The following ERG variants were observed in gnomAD, a reference collection of about 807,000 sequenced individuals.
ERG encodes the protein transcriptional regulator ERG.
In ERG, 9 loss-of-function variants were observed where a neutral mutation model predicts 55.3. The observed-to-expected ratio is 0.16, with a 90% CI of 0.10 to 0.28. The LOEUF is 0.28. Among genes scored for constraint, ERG ranks in the 10% least tolerant of loss-of-function variants. ERG has a pLI of 1.00. For synonymous variants in ERG, 223 were observed against 237.3 expected (o/e 0.94, Z 0.55); for missense variants, 434 against 631.6 (o/e 0.69, Z 3.35).
chr21:38,543,791 C>T (rs1364728234), intron 2 of ERG, among the ~76,000 whole-genome samples: 1 of 142,554 alleles, frequency 7.0e-6, no homozygotes, highest in Non-Finnish European at 1.5e-5. Context: ...GGCTGGAGGG[C>T]AGTGGCTCGA....
intron 2 of ERG, among the ~76,000 whole-genome samples, chr21:38,506,115 A>T (rs868397854): frequency 6.6e-6 from 1 of 152,184 alleles, no homozygotes; most frequent in Admixed American, 6.5e-5. Context: ...TCTGAATATA[A>T]GATTAAAGGC....
intron 2 of ERG, among the ~76,000 whole-genome samples, chr21:38,505,918 C>T (rs1265509329): frequency 3.3e-5 from 5 of 152,056 alleles, no homozygotes; most frequent in Admixed American, 6.5e-5. Context: ...TACTAGTGTG[C>T]CTAATTCTTG....
chr21:38,596,628 A>C (rs1050687173), intron 1 of ERG, among the ~76,000 whole-genome samples: 11 of 152,242 alleles, frequency 7.2e-5, no homozygotes, highest in Non-Finnish European at 1.5e-4. Flanking sequence ...ACACAGGTAC[A>C]TGCAAGCTAA....
At chr21:38,595,100 A>G (rs543895854) in intron 1 of ERG, among the ~76,000 whole-genome samples, 1 of 152,186 alleles carries the variant, frequency 6.6e-6, no homozygotes, top group African/African-American at 2.4e-5. Flanking sequence ...GTTTGTGTGG[A>G]TCTCAAAGGG....
At chr21:38,436,012 CTTTTTTTCTTTT>C (rs1054178382) in intron 2 of ERG, among the ~76,000 whole-genome samples, 4 of 100,808 alleles carry the variant, frequency 4.0e-5, no homozygotes, top group African/African-American at 1.6e-4. Flanking sequence ...ATTTTACTTT[CTTTTTTTCTTTT>C]TTTTTTTTTT....
chr21:38,612,380 A>C (rs2898356), intron 1 of ERG, among the ~76,000 whole-genome samples: 7,549 of 152,192 alleles, frequency 0.05, 575 homozygotes, highest in African/African-American at 0.17. Context: ...AAATTTTGAC[A>C]TTTTATTTGA....
At chr21:38,529,006 G>C (rs2059652491) in intron 2 of ERG, among the ~76,000 whole-genome samples, 1 of 152,144 alleles carries the variant, frequency 6.6e-6, no homozygotes, top group Non-Finnish European at 1.5e-5. Flanking sequence ...TACAGGAGCA[G>C]GGAGCACACG....
chr21:38,452,533 C>T (rs1283326107), intron 1 of ERG, among the ~76,000 whole-genome samples: 1 of 152,022 alleles, frequency 6.6e-6, no homozygotes, highest in African/African-American at 2.4e-5. Flanking sequence ...AAATCTTTAT[C>T]CTTATTATCT....
chr21:38,380,806 A>G lies in ERG; in HGVS notation c.*2597T>C, dbSNP rs1987395142. ...AAAACATCTGTTAAAATTGAATATG[A>G]TAATCATGTCTTGTTTTTATGATCT... On this transcript the variant is annotated 3_prime_UTR_variant, in exon 10 of 10. Coordinates refer to ENST00000288319, the MANE Select transcript of ERG (RefSeq NM_182918.4). 1 of 1,062,492 alleles carries G rather than the reference A, an allele frequency of 9.4e-7. No homozygotes were observed. The highest frequency in any genetic ancestry group is 1.1e-6 in the Non-Finnish European group (1 of 877,162). 65.8% of individuals were successfully genotyped at this position (1,062,492 alleles called of 1,614,324 possible). A position where few individuals can be genotyped will look rare whatever the true frequency, so the allele number is the denominator to read the frequency against.
rs768868549 is a variant in ERG at position 38,383,194 on chromosome 21, G to A, written c.*209C>T. On this transcript the variant is annotated 3_prime_UTR_variant, in exon 10 of 10. Transcript: ENST00000288319. The surrounding 1 kb of genome is among the most constrained non-coding windows in gnomAD (Gnocchi z 5.7). Reference sequence around the variant, plus strand: ...GTCCACAGATGATATGTCCATATTCGTGACATTTTTAGCATCCTCCTCATT... The same window carrying A: ...GTCCACAGATGATATGTCCATATTCATGACATTTTTAGCATCCTCCTCATT... 1.6e-5 allele frequency: 20 copies of A among 1,278,630 alleles called. No individual in the cohort carries two copies. The highest frequency in any genetic ancestry group is 1.0e-4 in the South Asian group (3 of 29,780). 79.2% of individuals were successfully genotyped at this position (1,278,630 alleles called of 1,614,324 possible). A position where few individuals can be genotyped will look rare whatever the true frequency, so the allele number is the denominator to read the frequency against.
chr21:38,416,851 G>A (rs1223435636), intron 3 of ERG, among the ~76,000 whole-genome samples: 1 of 152,220 alleles, frequency 6.6e-6, no homozygotes, highest in South Asian at 2.1e-4. Context: ...GGAACCGCAG[G>A]GACAAGGACA....
chr21:38,540,820 C>A (rs900189173), intron 2 of ERG, among the ~76,000 whole-genome samples: 2 of 152,186 alleles, frequency 1.3e-5, no homozygotes, highest in African/African-American at 4.8e-5. Context: ...ACCCCAAGCT[C>A]AAAGTATATG....
intron 1 of ERG, among the ~76,000 whole-genome samples, chr21:38,626,824 G>A (rs2060327622): frequency 6.6e-6 from 1 of 151,762 alleles, no homozygotes; most frequent in Non-Finnish European, 1.5e-5. Flanking sequence ...TATCTTTTTT[G>A]AATGTGACAA....
intron 2 of ERG, among the ~76,000 whole-genome samples, chr21:38,432,321 T>C (rs1479875433): frequency 1.3e-5 from 2 of 152,184 alleles, no homozygotes; most frequent in Non-Finnish European, 2.9e-5. Flanking sequence ...CTCTAACTCC[T>C]GTCCTCAAGC....
intron 2 of ERG, among the ~76,000 whole-genome samples, chr21:38,513,481 C>A (rs2059529877): frequency 6.6e-6 from 1 of 152,144 alleles, no homozygotes; most frequent in South Asian, 2.1e-4. Context: ...CATCTACAGA[C>A]AAATATTTGT....
rs534674875 is a variant in ERG at position 38,531,060 on chromosome 21, G to A, written c.-41+44602C>T. Among the ~76,000 whole-genome samples, 11 of 152,248 alleles carry A rather than the reference G, an allele frequency of 7.2e-5. No individual in the cohort carries two copies. In the South Asian group the frequency reaches 2.3e-3, roughly 32 times the overall value. ...CTTTCCTTAATTGGGGTGGTGGGCA[G>A]GGAGAGCAGGCTTCAGGTTGGCCTT... On this transcript the variant is annotated intron_variant, in intron 2 of 8. Coordinates refer to the ERG transcript ENST00000398897.
At chr21:38,403,090 G>A (rs190383251) in intron 4 of ERG, among the ~76,000 whole-genome samples, 84 of 152,296 alleles carry the variant, frequency 5.5e-4, no homozygotes, top group African/African-American at 1.9e-3. Context: ...AATATAAAGT[G>A]GGGCTTCATG....
In ERG at chr21:38,543,211, TG is replaced by T. The variant is rs201472249; in HGVS notation, c.-41+32450del. Among the ~76,000 whole-genome samples, 763 of 152,330 alleles carry T rather than the reference TG, an allele frequency of 5.0e-3. 22 individuals are homozygous for T. The highest frequency in any genetic ancestry group is 0.042 in the Admixed American group (642 of 15,306). On this transcript the variant is annotated intron_variant, in intron 2 of 8. Transcript: ENST00000398897. ...AATGTATATTATGCTCTCCAAATCC[TG>T]GTCATCTCCAGGTTAAGTATCTCTC... is the stretch of plus-strand genomic sequence containing the variant.
At chr21:38,647,429 G>T (rs2060463864) in intron 1 of ERG, among the ~76,000 whole-genome samples, 1 of 152,142 alleles carries the variant, frequency 6.6e-6, no homozygotes, top group Non-Finnish European at 1.5e-5. Flanking sequence ...TTCCTTTTCT[G>T]TATAAAGCAC....
Sources: gnomAD v4.1 joint callset for allele counts (sites outside exome capture counted in the v4.1 genomes callset) on GRCh38, gnomAD v4.1.1 for gene constraint, Gnocchi (gnomAD v3.1) non-coding constraint, MANE v1.5 for transcripts, NCBI Gene and HGNC (gene_info 2026-07-23, HGNC 2026-07-21) for gene names.